The following CDH22 variants were observed in gnomAD, a reference collection of about 807,000 sequenced individuals.
CDH22 encodes cadherin 22.
CDH22 carries 30 observed loss-of-function variants against 58.4 expected under a neutral mutation model. The observed-to-expected ratio is 0.51, with a 90% confidence interval of 0.38 to 0.70. The LOEUF (loss-of-function observed/expected upper bound fraction) is 0.70. Among genes scored for constraint, CDH22 ranks in the 30% least tolerant of loss-of-function variants. The pLI, the probability that CDH22 is intolerant of heterozygous loss-of-function variation, is 0.00. For synonymous variants in CDH22, 513 were observed against 558.2 expected, an observed-to-expected ratio of 0.92 and a Z score of 1.14; for missense variants, 1,014 against 1,233.9, an observed-to-expected ratio of 0.82 and a Z score of 2.67.
intron 7 of CDH22, among the ~76,000 whole-genome samples, chr20:46,200,849 A>G (rs2085955282): frequency 1.3e-5 from 2 of 152,124 alleles, no homozygotes; most frequent in Admixed American, 1.3e-4. Flanking sequence ...TTGTGGCATT[A>G]GGAGGCTTCT....
intron 1 of CDH22, among the ~76,000 whole-genome samples, chr20:46,265,336 T>C (rs1156573371): frequency 6.6e-6 from 1 of 152,074 alleles, no homozygotes; most frequent in Non-Finnish European, 1.5e-5. Flanking sequence ...TCTCTACTTT[T>C]CATAATTAAT....
At chr20:46,215,416 T>A (rs941148634) in intron 5 of CDH22, among the ~76,000 whole-genome samples, 1 of 152,236 alleles carries the variant, frequency 6.6e-6, no homozygotes, top group African/African-American at 2.4e-5. Flanking sequence ...TCATCCCATT[T>A]ATATAAGGTT....
At position 46,241,903 on chromosome 20, in the gene CDH22, G is replaced by A. The variant is rs1029501984; in HGVS notation, c.256-646C>T. On this transcript the variant is annotated intron_variant, in intron 2 of 11. Coordinates refer to ENST00000537909, the MANE Select transcript of CDH22 (RefSeq NM_021248.3). This position sits in a 1 kb window ranked among gnomAD's most constrained non-coding sequence, Gnocchi z 5.2. The stretch of plus-strand genomic sequence containing the variant: ...TCAGTAGGTCTGGGGCCAGGCCTCA[G>A]ACTTTGCATTTCTAACAAACTTCCA... Among the ~76,000 whole-genome samples the A allele has an allele frequency of 6.6e-6, 1 of 152,144 alleles. No individual in the cohort carries two copies. The highest frequency in any genetic ancestry group is 1.5e-5 in the Non-Finnish European group (1 of 68,024).
intron 2 of CDH22, among the ~76,000 whole-genome samples, chr20:46,249,409 CTG>C (rs2086354208): frequency 6.6e-6 from 1 of 152,218 alleles, no homozygotes; most frequent in Admixed American, 6.5e-5. Context: ...TATCTGAGCC[CTG>C]TCTGTCAAAT....
intron 3 of CDH22, among the ~76,000 whole-genome samples, chr20:46,235,047 G>A (rs569232982): frequency 3.3e-5 from 5 of 152,352 alleles, no homozygotes; most frequent in African/African-American, 1.2e-4. Context: ...TACATTGGAG[G>A]CCTTGTGTAT....
At chr20:46,245,665 T>A (rs1246320710) in intron 2 of CDH22, among the ~76,000 whole-genome samples, 2 of 152,178 alleles carry the variant, frequency 1.3e-5, no homozygotes, top group East Asian at 1.9e-4. Context: ...AATAAATGAA[T>A]AATAAAATAT....
At chr20:46,188,962 T>A (rs920890521) in intron 8 of CDH22, among the ~76,000 whole-genome samples, 4 of 151,452 alleles carry the variant, frequency 2.6e-5, no homozygotes, top group African/African-American at 9.7e-5. Context: ...CTTCCAGGCA[T>A]CCAGGCTCCC....
intron 5 of CDH22, among the ~76,000 whole-genome samples, chr20:46,214,148 T>C (rs2145692935): frequency 6.6e-6 from 1 of 152,160 alleles, no homozygotes; most frequent in African/African-American, 2.4e-5. Flanking sequence ...CTGAGGTGGG[T>C]GCTGTGCCTG....
intron 1 of CDH22, among the ~76,000 whole-genome samples, chr20:46,268,284 G>A (rs931196612): frequency 2.0e-5 from 3 of 152,258 alleles, no homozygotes; most frequent in South Asian, 4.1e-4. Flanking sequence ...GCCCCGCTCC[G>A]AGGGTCTGTC....
At chr20:46,278,626 C>CCAGGCTGGAGTT (rs1295851198) in intron 1 of CDH22, among the ~76,000 whole-genome samples, 6 of 152,072 alleles carry the variant, frequency 3.9e-5, no homozygotes, top group Non-Finnish European at 8.8e-5. Context: ...ACTCTGGCAC[C>CCAGGCTGGAGTT]CAGGCTGGAG....
intron 1 of CDH22, among the ~76,000 whole-genome samples, chr20:46,283,903 G>A (rs1407820565): frequency 6.6e-6 from 1 of 152,088 alleles, no homozygotes; most frequent in Non-Finnish European, 1.5e-5. Flanking sequence ...ACAGCCAAAT[G>A]TTGCCTGACT....
rs116493203 is a variant in CDH22 at position 46,187,976 on chromosome 20, A to G, written c.1424-1029T>C. Among the ~76,000 whole-genome samples the G allele has an allele frequency of 2.3e-3, 350 of 152,310 alleles. 1 individual carries two copies. The highest frequency in any genetic ancestry group is 8.2e-3 in the African/African-American group (339 of 41,572). On this transcript the variant is annotated intron_variant, in intron 8 of 11. Coordinates refer to ENST00000537909, the MANE Select transcript of CDH22 (RefSeq NM_021248.3). ...ATCCTAAAAGGGCCAGACAAGTCCA[A>G]GGAGGTAGATCTTCGCCAGCAAAAC...
chr20:46,238,466 C>A lies in CDH22; in HGVS notation c.550+2497G>T, dbSNP rs576888539. On this transcript the variant is annotated intron_variant, in intron 3 of 11. Transcript: ENST00000537909. ...CCAAATTTATCTCTCCAGCCCAGAC[C>A]TCCTCTGAACCTGGATATTCAACTC... Among the ~76,000 whole-genome samples, 13 of 152,302 alleles carry A rather than the reference C, an allele frequency of 8.5e-5. No individual in the cohort carries two copies. In the South Asian group the frequency reaches 1.7e-3, roughly 19 times the overall value.
intron 7 of CDH22, among the ~76,000 whole-genome samples, chr20:46,209,385 G>T (rs1403034260): frequency 6.6e-6 from 1 of 152,118 alleles, no homozygotes; most frequent in South Asian, 2.1e-4. Context: ...GGGAGGTGTG[G>T]TCTGAGAGGT....
rs200751720 is a variant in CDH22, at chr20:46,248,042, G to A, written c.255+2998C>T. Among the ~76,000 whole-genome samples the A allele has an allele frequency of 7.2e-5, 11 of 152,330 alleles. No individual in the cohort carries two copies. In the East Asian group the frequency reaches 2.1e-3, roughly 29 times the overall value. ...AATATGAGGCTCTTGAAGTGAGCAC[G>A]GAGATTGTGTTAGGAGACCTGGTTT... On this transcript the variant is annotated intron_variant, in intron 2 of 11. Transcript: ENST00000537909.
In CDH22 at chr20:46,216,011, T is replaced by C. The variant is rs145245240; in HGVS notation, c.838+815A>G. On this transcript the variant is annotated intron_variant, in intron 5 of 11. Coordinates refer to ENST00000537909, the MANE Select transcript of CDH22 (RefSeq NM_021248.3). The surrounding 1 kb of genome is among the most constrained non-coding windows in gnomAD (Gnocchi z 5.3). ...TGATGCTGCGCTCTCAGCTAAGGGA[T>C]TGGATTCCCTTATCTCTCGGGGGTC... Among the ~76,000 whole-genome samples the C allele has an allele frequency of 2.8e-4, 42 of 152,266 alleles. No individual in the cohort carries two copies. Among genetic ancestry groups the C allele is most frequent in the African/African-American group, 1.0e-3 (42 of 41,548 alleles).
At chr20:46,239,694 C>A (rs1246037140) in intron 3 of CDH22, among the ~76,000 whole-genome samples, 1 of 152,254 alleles carries the variant, frequency 6.6e-6, no homozygotes, top group Non-Finnish European at 1.5e-5. Flanking sequence ...CCTAGGGCAG[C>A]TGCTTCTTGT....
At chr20:46,204,767 C>T (rs2145679429) in intron 7 of CDH22, among the ~76,000 whole-genome samples, 1 of 152,288 alleles carries the variant, frequency 6.6e-6, no homozygotes, top group South Asian at 2.1e-4. Flanking sequence ...GTGTTAGCAA[C>T]AGCACAAAAT....
rs987914199 is a variant in CDH22 at position 46,210,035 on chromosome 20, C to T, written c.1286+272G>A. On this transcript the variant is annotated intron_variant, in intron 7 of 11. Coordinates refer to ENST00000537909, the MANE Select transcript of CDH22 (RefSeq NM_021248.3). This position sits in a 1 kb window ranked among gnomAD's most constrained non-coding sequence, Gnocchi z 4.5. ...CGCGGAGACCCCGCCAGTGCAGTGC[C>T]CGCCTCTGTGTCTGTCCCTCCTGGT... 3.2e-5 allele frequency: 12 copies of T among 380,654 alleles called. No homozygotes were observed. In the South Asian group the frequency reaches 5.7e-4, roughly 18 times the overall value. The allele number at this position is 380,654 out of a possible 1,614,324, so 23.6% of individuals were successfully genotyped here. A position where few individuals can be genotyped will look rare whatever the true frequency, so the allele number is the denominator to read the frequency against.
Sources: gnomAD v4.1 joint callset for allele counts (sites outside exome capture counted in the v4.1 genomes callset) on GRCh38, gnomAD v4.1.1 for gene constraint, Gnocchi (gnomAD v3.1) non-coding constraint, MANE v1.5 for transcripts, NCBI Gene and HGNC (gene_info 2026-07-23, HGNC 2026-07-21) for gene names.